CDKAL1: variants seen among roughly 807,000 people sequenced by gnomAD.
CDKAL1 encodes the protein threonylcarbamoyladenosine tRNA methylthiotransferase.
In CDKAL1, 32 loss-of-function variants were observed where a neutral mutation model predicts 68.2. The observed-to-expected ratio is 0.47, with a 90% CI of 0.35 to 0.63. The LOEUF (loss-of-function observed/expected upper bound fraction) is 0.63. CDKAL1 is among the 30% of genes least tolerant of loss of function. CDKAL1 has a pLI of 0.00. For missense variants in CDKAL1, 606 were observed against 696.7 expected (o/e 0.87, Z 1.47); for synonymous variants, 234 against 244.3 (o/e 0.96, Z 0.39).
At chr6:21,188,739 G>A (rs749238703) in intron 13 of CDKAL1, among the ~76,000 whole-genome samples, 21 of 152,104 alleles carry the variant, frequency 1.4e-4, no homozygotes, top group African/African-American at 4.1e-4. Context: ...ACTTTGTGCC[G>A]GCTCTGTGAT....
chr6:20,980,431 G>T (rs1010318693), intron 10 of CDKAL1, among the ~76,000 whole-genome samples: 1 of 151,930 alleles, frequency 6.6e-6, no homozygotes, highest in South Asian at 2.1e-4. Flanking sequence ...TAGAGACAGG[G>T]TTTCACCGTG....
intron 10 of CDKAL1, among the ~76,000 whole-genome samples, chr6:20,967,099 TC>T (rs1481145259): frequency 6.6e-6 from 1 of 152,184 alleles, no homozygotes; most frequent in Non-Finnish European, 1.5e-5. Context: ...GTCTCAGTCT[TC>T]ACCTGGCATT....
intron 11 of CDKAL1, among the ~76,000 whole-genome samples, chr6:21,024,387 C>T (rs1324919184): frequency 1.3e-5 from 2 of 152,076 alleles, no homozygotes; most frequent in Admixed American, 6.6e-5. Flanking sequence ...GTGGCTCACA[C>T]CTGTAATCCC....
intron 8 of CDKAL1, among the ~76,000 whole-genome samples, chr6:20,790,001 G>A (rs538922428): frequency 1.3e-4 from 20 of 152,076 alleles, no homozygotes; most frequent in African/African-American, 4.6e-4. Context: ...TTGTTATGTT[G>A]CCCAGGTTGG....
chr6:20,987,859 A>G (rs1042799497), intron 10 of CDKAL1, among the ~76,000 whole-genome samples: 2 of 151,570 alleles, frequency 1.3e-5, no homozygotes, highest in Admixed American at 1.3e-4. Context: ...GACTCACTGC[A>G]GCCTTGACTT....
At chr6:21,125,226 T>G (rs1392851167) in intron 13 of CDKAL1, among the ~76,000 whole-genome samples, 1 of 152,106 alleles carries the variant, frequency 6.6e-6, no homozygotes, top group Non-Finnish European at 1.5e-5. Context: ...TCTCATGAGA[T>G]CTGATGGTTT....
chr6:21,129,244 A>G (rs1775169761), intron 13 of CDKAL1, among the ~76,000 whole-genome samples: 1 of 152,204 alleles, frequency 6.6e-6, no homozygotes. Context: ...CAGTGAGATA[A>G]TTTTATTGTG....
chr6:20,591,768 A>G (rs1293371927), intron 4 of CDKAL1, among the ~76,000 whole-genome samples: 1 of 152,120 alleles, frequency 6.6e-6, no homozygotes, highest in Non-Finnish European at 1.5e-5. Context: ...TGTTTTGGTT[A>G]CCGTAGCCTT....
At chr6:20,691,698 C>T (rs1203705001) in intron 5 of CDKAL1, among the ~76,000 whole-genome samples, 2 of 152,054 alleles carry the variant, frequency 1.3e-5, no homozygotes. Flanking sequence ...TTAGAGAGGA[C>T]TCCAAAGCAT....
At chr6:21,107,812 CTCA>C (rs1773925797) in intron 12 of CDKAL1, among the ~76,000 whole-genome samples, 1 of 152,198 alleles carries the variant, frequency 6.6e-6, no homozygotes, top group South Asian at 2.1e-4. Flanking sequence ...GCCTGTATAA[CTCA>C]TACATTCATT....
chr6:21,214,018 C>T (rs1413770918), intron 15 of CDKAL1, among the ~76,000 whole-genome samples: 3 of 152,208 alleles, frequency 2.0e-5, no homozygotes, highest in African/African-American at 7.2e-5. Context: ...AGTTCTGACA[C>T]ATGCTACAGC....
At chr6:20,570,251 A>C (rs1453122898) in intron 4 of CDKAL1, among the ~76,000 whole-genome samples, 21 of 135,926 alleles carry the variant, frequency 1.5e-4, no homozygotes, top group African/African-American at 2.5e-4. Flanking sequence ...CTACAGGCGT[A>C]TGACACCACG....
chr6:20,538,069 A>G (rs961094041), intron 2 of CDKAL1, among the ~76,000 whole-genome samples: 2 of 152,182 alleles, frequency 1.3e-5, no homozygotes, highest in African/African-American at 4.8e-5. Context: ...AAGGATATAC[A>G]TATGTTTGGT....
chr6:20,754,070 C>A (rs1303011665), intron 6 of CDKAL1, among the ~76,000 whole-genome samples: 1 of 151,996 alleles, frequency 6.6e-6, no homozygotes, highest in African/African-American at 2.4e-5. Flanking sequence ...ATTTTGAACT[C>A]CTGGGCTCAA....
chr6:21,022,066 G>A (rs963718734), intron 11 of CDKAL1, among the ~76,000 whole-genome samples: 10 of 152,146 alleles, frequency 6.6e-5, no homozygotes, highest in Non-Finnish European at 1.5e-5. Flanking sequence ...TGTTTTGGAA[G>A]GAATTTCAGC....
At chr6:20,630,836 T>G (rs1216109323) in intron 4 of CDKAL1, among the ~76,000 whole-genome samples, 1 of 152,196 alleles carries the variant, frequency 6.6e-6, no homozygotes, top group African/African-American at 2.4e-5. Flanking sequence ...CTATTTCTGT[T>G]TCCGCATCCA....
At chr6:21,174,727 A>ATCT in intron 13 of CDKAL1, among the ~76,000 whole-genome samples, 1 of 95,836 alleles carries the variant, frequency 1.0e-5, no homozygotes, top group Non-Finnish European at 2.0e-5. Flanking sequence ...TTTGGAGGGC[A>ATCT]ATTTAACTAT....
At chr6:21,154,390 A>C (rs938779963) in intron 13 of CDKAL1, among the ~76,000 whole-genome samples, 1 of 152,258 alleles carries the variant, frequency 6.6e-6, no homozygotes, top group Admixed American at 6.5e-5. Flanking sequence ...TTTATACCCT[A>C]AACAAATTAA....
chr6:20,582,313 T>A (rs950368916), intron 4 of CDKAL1, among the ~76,000 whole-genome samples: 1 of 152,146 alleles, frequency 6.6e-6, no homozygotes, highest in Non-Finnish European at 1.5e-5. Context: ...ATTTTCCCAA[T>A]GAGAATATTA....
Sources: gnomAD v4.1 joint callset for allele counts (sites outside exome capture counted in the v4.1 genomes callset) on GRCh38, gnomAD v4.1.1 for gene constraint, MANE v1.5 for transcripts, NCBI Gene and HGNC (gene_info 2026-07-23, HGNC 2026-07-21) for gene names.